Variants in LRMDA observed in about 807,000 individuals in gnomAD.
The protein encoded by LRMDA is leucine rich melanocyte differentiation associated.
LRMDA carries 18 observed loss-of-function variants against 29.8 expected under a neutral mutation model. That is an observed-to-expected ratio of 0.60 (90% CI 0.42 to 0.90). LRMDA has a LOEUF of 0.90. Ranked by LOEUF, LRMDA falls within the 40% of genes least tolerant of loss-of-function variation. The probability of loss-of-function intolerance (pLI) is 0.00; values close to 1 mark genes in which losing one functional copy is unlikely to be tolerated. For missense variants in LRMDA, 273 were observed against 273.9 expected, an observed-to-expected ratio of 1.00 and a Z score of 0.02; for synonymous variants, 125 against 109.4, an observed-to-expected ratio of 1.14 and a Z score of -0.89.
chr10:76,430,956 A>G (rs1005411335), intron 6 of LRMDA, among the ~76,000 whole-genome samples: 1 of 152,186 alleles, frequency 6.6e-6, no homozygotes, highest in African/African-American at 2.4e-5. Flanking sequence ...TTCCTAATGA[A>G]TTAAAAACCA....
chr10:76,106,976 C>T (rs1032415831), intron 5 of LRMDA, among the ~76,000 whole-genome samples: 1 of 152,184 alleles, frequency 6.6e-6, no homozygotes, highest in African/African-American at 2.4e-5. Context: ...TAAAATATTC[C>T]CCCTGGAGTC....
At chr10:75,565,283 G>A (rs946219627) in intron 2 of LRMDA, among the ~76,000 whole-genome samples, 6 of 152,154 alleles carry the variant, frequency 3.9e-5, no homozygotes, top group Non-Finnish European at 7.3e-5. Flanking sequence ...TAAGAATAGA[G>A]TTTCCATTTA....
chr10:76,046,674 G>A (rs1003509058), intron 3 of LRMDA, among the ~76,000 whole-genome samples: 3 of 151,976 alleles, frequency 2.0e-5, no homozygotes, highest in African/African-American at 4.8e-5. Context: ...TAGTAGAGAC[G>A]GGTTTCACCA....
intron 2 of LRMDA, among the ~76,000 whole-genome samples, chr10:75,518,721 A>T (rs980215007): frequency 6.6e-6 from 1 of 151,886 alleles, no homozygotes; most frequent in African/African-American, 2.4e-5. Flanking sequence ...CTCTGATCTT[A>T]GTTATTTCTT....
At chr10:75,668,490 C>T (rs1002265861) in intron 2 of LRMDA, among the ~76,000 whole-genome samples, 2 of 152,240 alleles carry the variant, frequency 1.3e-5, no homozygotes, top group African/African-American at 4.8e-5. Flanking sequence ...TTGGTTGGGT[C>T]GGTGATTTAT....
chr10:75,562,005 C>T (rs1840303105), intron 2 of LRMDA, among the ~76,000 whole-genome samples: 1 of 151,986 alleles, frequency 6.6e-6, no homozygotes, highest in African/African-American at 2.4e-5. Context: ...AATGTATATT[C>T]TGTTGATTTG....
chr10:76,355,688 A>AT (rs576073855), intron 6 of LRMDA, among the ~76,000 whole-genome samples: 1 of 152,176 alleles, frequency 6.6e-6, no homozygotes, highest in Non-Finnish European at 1.5e-5. Context: ...GCTGAGTCTA[A>AT]TTTTTTGTGT....
intron 2 of LRMDA, among the ~76,000 whole-genome samples, chr10:75,798,607 T>A (rs1016298496): frequency 2.0e-5 from 3 of 152,154 alleles, no homozygotes; most frequent in African/African-American, 7.2e-5. Flanking sequence ...AAAGCTATAA[T>A]TTTTTCTCTT....
intron 5 of LRMDA, among the ~76,000 whole-genome samples, chr10:76,247,080 T>C (rs2132292052): frequency 6.6e-6 from 1 of 152,306 alleles, no homozygotes; most frequent in Admixed American, 6.5e-5. Context: ...TTGTCTTACC[T>C]CCTCTGTCCC....
chr10:76,359,388 C>A (rs764979945), intron 6 of LRMDA, among the ~76,000 whole-genome samples: 1 of 152,116 alleles, frequency 6.6e-6, no homozygotes, highest in Admixed American at 6.5e-5. Context: ...TCATTAACTT[C>A]TAGGGAATGA....
intron 4 of LRMDA, among the ~76,000 whole-genome samples, chr10:76,054,405 A>G (rs1436609348): frequency 1.3e-5 from 2 of 152,072 alleles, no homozygotes; most frequent in Admixed American, 6.5e-5. Context: ...TTTGTCATCT[A>G]AAATTTTTAA....
At position 75,607,459 on chromosome 10, in the gene LRMDA, T is replaced by A. The variant is rs114035597; in HGVS notation, c.131+168965T>A. Among the ~76,000 whole-genome samples the A allele has an allele frequency of 4.8e-3, 735 of 152,348 alleles. 6 individuals carry two copies. Among genetic ancestry groups the A allele is most frequent in the African/African-American group, 0.017 (702 of 41,574 alleles). On this transcript the variant is annotated intron_variant, in intron 2 of 6. Coordinates refer to ENST00000611255, the MANE Select transcript of LRMDA (RefSeq NM_001305581.2). ...TCATGTAATACTGTATTTCTTTGGA[T>A]GTTCTTATATTGAACTATATTTTTC...
At chr10:76,059,695 G>A (rs1234656138) in intron 5 of LRMDA, among the ~76,000 whole-genome samples, 2 of 152,194 alleles carry the variant, frequency 1.3e-5, no homozygotes, top group Non-Finnish European at 2.9e-5. Context: ...CTCTGCATGT[G>A]CATTGGAAAT....
intron 2 of LRMDA, among the ~76,000 whole-genome samples, chr10:75,652,197 C>T (rs1402122219): frequency 6.6e-6 from 1 of 152,208 alleles, no homozygotes; most frequent in African/African-American, 2.4e-5. Flanking sequence ...CCACCAAGTT[C>T]TGACAAAGCA....
intron 2 of LRMDA, among the ~76,000 whole-genome samples, chr10:75,789,768 C>T (rs575123549): frequency 6.6e-6 from 1 of 152,196 alleles, no homozygotes; most frequent in East Asian, 1.9e-4. Flanking sequence ...TCCCCAAGGC[C>T]CATTCTTTGA....
At chr10:76,230,842 G>T (rs1589385925) in intron 5 of LRMDA, among the ~76,000 whole-genome samples, 1 of 152,210 alleles carries the variant, frequency 6.6e-6, no homozygotes, top group African/African-American at 2.4e-5. Flanking sequence ...TTCATGGATT[G>T]TTAATAGGCT....
chr10:76,492,276 A>T (rs1453328237), intron 6 of LRMDA, among the ~76,000 whole-genome samples: 2 of 152,058 alleles, frequency 1.3e-5, no homozygotes, highest in African/African-American at 4.8e-5. Context: ...CTGTCTGGGC[A>T]TTCAAGTAGT....
chr10:76,357,130 C>T (rs1335591880), intron 6 of LRMDA, among the ~76,000 whole-genome samples: 1 of 152,202 alleles, frequency 6.6e-6, no homozygotes, highest in Admixed American at 6.5e-5. Context: ...TCCAACCCTG[C>T]TCCTCTGTGA....
intron 6 of LRMDA, among the ~76,000 whole-genome samples, chr10:76,549,174 A>G (rs527753242): frequency 6.6e-6 from 1 of 151,990 alleles, no homozygotes; most frequent in East Asian, 1.9e-4. Context: ...TGTTTTCTTG[A>G]GGCTCTGGTT....
Sources: allele counts gnomAD v4.1 joint callset (sites outside exome capture counted in the v4.1 genomes callset), GRCh38; gene constraint gnomAD v4.1.1; transcripts MANE v1.5; gene names NCBI Gene and HGNC (gene_info 2026-07-23, HGNC 2026-07-21).